SORCS2: variants seen among roughly 807,000 people sequenced by gnomAD.
The protein encoded by SORCS2 is sortilin related VPS10 domain containing receptor 2, also known as VPS10 domain-containing receptor SorCS2.
SORCS2 carries 100 observed loss-of-function variants against 141.6 expected under a neutral mutation model. The ratio of observed to expected loss-of-function variants is 0.71; its 90% CI spans 0.60 to 0.83. SORCS2 has a LOEUF of 0.83. Ranked by LOEUF, SORCS2 falls within the 40% of genes least tolerant of loss-of-function variation. The probability of loss-of-function intolerance (pLI) is 0.00; values close to 1 mark genes in which losing one functional copy is unlikely to be tolerated. For synonymous variants in SORCS2, 789 were observed against 676.9 expected (o/e 1.17, Z -2.57); for missense variants, 1,646 against 1,560.2 (o/e 1.05, Z -0.93).
At chr4:7,212,522 G>T (rs749100675) in intron 1 of SORCS2, among the ~76,000 whole-genome samples, 3 of 152,224 alleles carry the variant, frequency 2.0e-5, no homozygotes, top group African/African-American at 4.8e-5. Context: ...CACCAGGCTT[G>T]GTTCCTTGTC....
At chr4:7,273,762 C>G (rs1433455130) in intron 1 of SORCS2, among the ~76,000 whole-genome samples, 1 of 152,226 alleles carries the variant, frequency 6.6e-6, no homozygotes, top group Non-Finnish European at 1.5e-5. Flanking sequence ...AAAGCTGGCT[C>G]TGTCATTAGA....
chr4:7,565,790 TATG>T (rs1186296706), intron 3 of SORCS2, among the ~76,000 whole-genome samples: 7 of 149,350 alleles, frequency 4.7e-5, no homozygotes, highest in African/African-American at 1.5e-4. Context: ...TGATGATGGA[TATG>T]ATGATGATGG....
chr4:7,315,719 A>G lies in SORCS2; in HGVS notation c.481-80569A>G, dbSNP rs375475498. Among the ~76,000 whole-genome samples the G allele has an allele frequency of 5.3e-5, 8 of 151,436 alleles. No individual in the cohort carries two copies. The East Asian group carries it at 1.2e-3, about 22-fold the overall frequency. On this transcript the variant is annotated intron_variant, in intron 1 of 26. Transcript: ENST00000507866. ...GAAGCCTTCCTTTCTCCCTGTGAGGACTCTCTCACCTCTGAAGGTCCTTGG... is the reference window on the plus strand; with the variant it reads ...GAAGCCTTCCTTTCTCCCTGTGAGGGCTCTCTCACCTCTGAAGGTCCTTGG...
chr4:7,495,547 G>C (rs1731559891), intron 2 of SORCS2, among the ~76,000 whole-genome samples: 1 of 152,152 alleles, frequency 6.6e-6, no homozygotes, highest in African/African-American at 2.4e-5. Context: ...TTTCTCCTTG[G>C]CACCCTCGTC....
intron 2 of SORCS2, among the ~76,000 whole-genome samples, chr4:7,442,912 C>A (rs896777552): frequency 6.6e-6 from 1 of 152,060 alleles, no homozygotes; most frequent in African/African-American, 2.4e-5. Flanking sequence ...GTGCTCCCTC[C>A]GAAGGCTGCG....
intron 1 of SORCS2, among the ~76,000 whole-genome samples, chr4:7,274,629 A>C (rs3892241): frequency 6.6e-6 from 1 of 152,068 alleles, no homozygotes; most frequent in Non-Finnish European, 1.5e-5. Context: ...ATCTGTCCCC[A>C]TGATCCAATC....
At chr4:7,526,561 C>T (rs1444520465) in intron 2 of SORCS2, among the ~76,000 whole-genome samples, 1 of 152,176 alleles carries the variant, frequency 6.6e-6, no homozygotes, top group African/African-American at 2.4e-5. Flanking sequence ...GGGGCAGTGA[C>T]GCTGCTCCGT....
chr4:7,374,770 C>T (rs1203746507), intron 1 of SORCS2, among the ~76,000 whole-genome samples: 3 of 152,174 alleles, frequency 2.0e-5, no homozygotes, highest in Non-Finnish European at 4.4e-5. Context: ...AGTCCCACAG[C>T]GTCACCTGGC....
intron 2 of SORCS2, among the ~76,000 whole-genome samples, chr4:7,498,431 G>T (rs1221845742): frequency 6.6e-6 from 1 of 152,232 alleles, no homozygotes; most frequent in African/African-American, 2.4e-5. Flanking sequence ...CAAGACGCCA[G>T]CAGCAAATCA....
intron 12 of SORCS2, among the ~76,000 whole-genome samples, chr4:7,701,989 C>T (rs1297878321): frequency 1.4e-5 from 2 of 138,562 alleles, no homozygotes; most frequent in African/African-American, 5.2e-5. Flanking sequence ...CTTATCCCGC[C>T]CCACATGGCA....
chr4:7,414,982 C>G (rs1725566583), intron 2 of SORCS2, among the ~76,000 whole-genome samples: 1 of 152,046 alleles, frequency 6.6e-6, no homozygotes, highest in East Asian at 1.9e-4. Flanking sequence ...TGGAGTTTGT[C>G]CGGCTTTCCT....
At chr4:7,425,802 G>A (rs1158472325) in intron 2 of SORCS2, among the ~76,000 whole-genome samples, 1 of 152,250 alleles carries the variant, frequency 6.6e-6, no homozygotes, top group Non-Finnish European at 1.5e-5. Flanking sequence ...GGAGAAACGA[G>A]GAAGGGGCGG....
chr4:7,609,412 C>T (rs974970681), intron 3 of SORCS2, among the ~76,000 whole-genome samples: 1 of 152,210 alleles, frequency 6.6e-6, no homozygotes, highest in East Asian at 1.9e-4. Context: ...CAAGGCGCCT[C>T]TATACAGCCC....
chr4:7,335,453 G>T (rs1395226446), intron 1 of SORCS2, among the ~76,000 whole-genome samples: 1 of 152,206 alleles, frequency 6.6e-6, no homozygotes, highest in Non-Finnish European at 1.5e-5. Context: ...GACCCCACAC[G>T]TGCTGAGCGC....
At chr4:7,355,279 G>A (rs188117748) in intron 1 of SORCS2, among the ~76,000 whole-genome samples, 2 of 152,106 alleles carry the variant, frequency 1.3e-5, no homozygotes, top group African/African-American at 2.4e-5. Flanking sequence ...GTGCCCTTCC[G>A]GGTTTATGGC....
intron 3 of SORCS2, among the ~76,000 whole-genome samples, chr4:7,556,288 G>A (rs1054783497): frequency 5.9e-5 from 9 of 152,090 alleles, no homozygotes; most frequent in Admixed American, 2.0e-4. Context: ...CCCATAATGA[G>A]TTTCCTCTGA....
chr4:7,709,866 G>A (rs529216994), intron 14 of SORCS2, among the ~76,000 whole-genome samples: 2 of 152,262 alleles, frequency 1.3e-5, no homozygotes, highest in Admixed American at 6.5e-5. Context: ...GGGCTTGGGC[G>A]AGAGGTGGAG....
intron 3 of SORCS2, among the ~76,000 whole-genome samples, chr4:7,636,646 AG>A (rs890029476): frequency 2.6e-5 from 4 of 152,100 alleles, no homozygotes; most frequent in African/African-American, 9.7e-5. Flanking sequence ...AGCCGGGATA[AG>A]GGTGTCTCCT....
chr4:7,707,522 C>T (rs979926577), intron 14 of SORCS2, among the ~76,000 whole-genome samples: 3 of 152,232 alleles, frequency 2.0e-5, no homozygotes, highest in African/African-American at 7.2e-5. Context: ...AGCGCGAATT[C>T]CTGCCGCCTT....
Sources: gnomAD v4.1 joint callset for allele counts (sites outside exome capture counted in the v4.1 genomes callset) on GRCh38, gnomAD v4.1.1 for gene constraint, MANE v1.5 for transcripts, NCBI Gene and HGNC (gene_info 2026-07-23, HGNC 2026-07-21) for gene names.